The following GABRB2 variants were observed in gnomAD, a reference collection of about 807,000 sequenced individuals.
GABRB2 encodes the protein gamma-aminobutyric acid type A receptor subunit beta2.
A neutral mutation model predicts 54.7 loss-of-function variants in GABRB2; 16 were observed. The observed-to-expected ratio is 0.29, with a 90% CI of 0.20 to 0.44. GABRB2 has a LOEUF of 0.44. Among genes scored for constraint, GABRB2 ranks in the 20% least tolerant of loss-of-function variants. The pLI, the probability that GABRB2 is intolerant of heterozygous loss-of-function variation, is 1.00. For missense variants in GABRB2, 355 were observed against 644.0 expected (o/e 0.55, Z 4.86); for synonymous variants, 244 against 233.8 (o/e 1.04, Z -0.40).
intron 5 of GABRB2, among the ~76,000 whole-genome samples, chr5:161,378,648 G>C (rs1222845563): frequency 6.6e-6 from 1 of 152,132 alleles, no homozygotes; most frequent in Non-Finnish European, 1.5e-5. Context: ...TCTAAGAGTA[G>C]ATAAAGGGCA....
chr5:161,425,658 T>G (rs1054747865), intron 4 of GABRB2, among the ~76,000 whole-genome samples: 6 of 152,104 alleles, frequency 3.9e-5, no homozygotes, highest in African/African-American at 1.4e-4. Flanking sequence ...TGCAGTGGTC[T>G]AGGAAAAAAA....
chr5:161,341,583 C>T (rs1040867201), intron 5 of GABRB2, among the ~76,000 whole-genome samples: 1 of 151,538 alleles, frequency 6.6e-6, no homozygotes, highest in African/African-American at 2.4e-5. Context: ...ATATAAAAAT[C>T]TATAAAATAT....
At chr5:161,492,600 C>T (rs1328745130) in intron 3 of GABRB2, among the ~76,000 whole-genome samples, 1 of 150,884 alleles carries the variant, frequency 6.6e-6, no homozygotes, top group Non-Finnish European at 1.5e-5. Flanking sequence ...TTTTTACCCA[C>T]ACTACACAGA....
chr5:161,306,080 G>A (rs896891454), intron 9 of GABRB2, among the ~76,000 whole-genome samples: 2 of 152,108 alleles, frequency 1.3e-5, no homozygotes, highest in Non-Finnish European at 2.9e-5. Context: ...TTCCCAGGTC[G>A]TTGGAGGACT....
intron 9 of GABRB2, among the ~76,000 whole-genome samples, chr5:161,324,267 G>A (rs1032716364): frequency 6.6e-6 from 1 of 152,130 alleles, no homozygotes; most frequent in Non-Finnish European, 1.5e-5. Flanking sequence ...CTGTGTGGGA[G>A]TGTGCAGGTG....
At chr5:161,444,939 T>C (rs909128197) in intron 4 of GABRB2, among the ~76,000 whole-genome samples, 2 of 152,138 alleles carry the variant, frequency 1.3e-5, no homozygotes, top group African/African-American at 4.8e-5. Context: ...GAGTAATAAA[T>C]CAATTTAAGG....
intron 3 of GABRB2, among the ~76,000 whole-genome samples, chr5:161,529,806 G>A (rs570322293): frequency 2.0e-5 from 3 of 152,074 alleles, no homozygotes; most frequent in Admixed American, 2.0e-4. Flanking sequence ...AAAGAACAGA[G>A]AGAATTTACA....
chr5:161,508,903 T>C (rs1695633618), intron 3 of GABRB2, among the ~76,000 whole-genome samples: 1 of 152,148 alleles, frequency 6.6e-6, no homozygotes, highest in South Asian at 2.1e-4. Flanking sequence ...AGCATGAAAA[T>C]ATATAATCCT....
intron 5 of GABRB2, among the ~76,000 whole-genome samples, chr5:161,364,219 T>C (rs1463219770): frequency 6.6e-6 from 1 of 152,164 alleles, no homozygotes; most frequent in Non-Finnish European, 1.5e-5. Context: ...TAAATCTATA[T>C]AGGACAATAT....
intron 4 of GABRB2, among the ~76,000 whole-genome samples, chr5:161,412,814 C>T (rs553546000): frequency 9.3e-4 from 141 of 152,342 alleles, no homozygotes; most frequent in African/African-American, 3.2e-3. Context: ...AAGCAGCCCA[C>T]CCAAAGTGGT....
At chr5:161,400,469 T>C (rs1297379234) in intron 5 of GABRB2, among the ~76,000 whole-genome samples, 2 of 151,958 alleles carry the variant, frequency 1.3e-5, no homozygotes, top group Non-Finnish European at 2.9e-5. Context: ...CACAGAGAGA[T>C]TTATAATATG....
At chr5:161,502,406 A>G (rs1245286649) in intron 3 of GABRB2, among the ~76,000 whole-genome samples, 1 of 152,196 alleles carries the variant, frequency 6.6e-6, no homozygotes, top group Non-Finnish European at 1.5e-5. Context: ...GGGCTAATCT[A>G]CAAATCTAAT....
chr5:161,353,949 G>T (rs1754543594), intron 5 of GABRB2, among the ~76,000 whole-genome samples: 2 of 151,968 alleles, frequency 1.3e-5, no homozygotes, highest in Non-Finnish European at 2.9e-5. Flanking sequence ...GATCCAAGGG[G>T]CAGTTTTCCC....
chr5:161,351,421 CAAT>C (rs1754466008), intron 5 of GABRB2, among the ~76,000 whole-genome samples: 2 of 152,024 alleles, frequency 1.3e-5, no homozygotes, highest in Non-Finnish European at 2.9e-5. Context: ...TGATTTTTAA[CAAT>C]GATGCCAAGA....
At chr5:161,357,132 A>G (rs560520375) in intron 5 of GABRB2, among the ~76,000 whole-genome samples, 1 of 152,340 alleles carries the variant, frequency 6.6e-6, no homozygotes, top group South Asian at 2.1e-4. Context: ...CAAATGAAAA[A>G]GTAGAGCAAT....
chr5:161,295,825 C>G (rs1016699374), intron 9 of GABRB2, among the ~76,000 whole-genome samples: 5 of 152,134 alleles, frequency 3.3e-5, no homozygotes, highest in African/African-American at 1.2e-4. Context: ...TTTATGGTAT[C>G]ATTTTGCTTA....
At chr5:161,408,383 CAAT>C (rs1296989808) in intron 5 of GABRB2, among the ~76,000 whole-genome samples, 2 of 152,070 alleles carry the variant, frequency 1.3e-5, no homozygotes, top group East Asian at 1.9e-4. Flanking sequence ...TCTCTCACCT[CAAT>C]AAAGGAGGCC....
At chr5:161,545,711 T>C (rs545835246) in intron 2 of GABRB2, among the ~76,000 whole-genome samples, 1 of 151,718 alleles carries the variant, frequency 6.6e-6, no homozygotes, top group Non-Finnish European at 1.5e-5. Flanking sequence ...TCTGAAGCAA[T>C]ATTAAGTGAG....
chr5:161,456,962 G>C (rs1451302757), intron 4 of GABRB2, among the ~76,000 whole-genome samples: 1 of 152,102 alleles, frequency 6.6e-6, no homozygotes, highest in Non-Finnish European at 1.5e-5. Flanking sequence ...AAATTAAATA[G>C]AATAAAAGCT....
Sources: gnomAD v4.1 joint callset for allele counts (sites outside exome capture counted in the v4.1 genomes callset) on GRCh38, gnomAD v4.1.1 for gene constraint, MANE v1.5 for transcripts, NCBI Gene and HGNC (gene_info 2026-07-23, HGNC 2026-07-21) for gene names.